HACE1: variants seen among roughly 807,000 people sequenced by gnomAD.
HACE1 encodes E3 ubiquitin-protein ligase HACE1.
HACE1 carries 73 observed loss-of-function variants against 118.4 expected under a neutral mutation model. The ratio of observed to expected loss-of-function variants is 0.62; its 90% CI spans 0.51 to 0.75. The LOEUF (loss-of-function observed/expected upper bound fraction) is 0.75. Among genes scored for constraint, HACE1 ranks in the 30% least tolerant of loss-of-function variants. The pLI, the probability that HACE1 is intolerant of heterozygous loss-of-function variation, is 0.00. For missense variants in HACE1, 749 were observed against 1,102.2 expected, an observed-to-expected ratio of 0.68 and a Z score of 4.54; for synonymous variants, 368 against 374.8, an observed-to-expected ratio of 0.98 and a Z score of 0.21.
intron 7 of HACE1, among the ~76,000 whole-genome samples, chr6:104,797,744 C>T (rs899910162): frequency 2.6e-5 from 4 of 151,898 alleles, no homozygotes; most frequent in African/African-American, 7.3e-5. Context: ...ACTATCACTC[C>T]AGGGAAATTA....
At chr6:104,787,118 A>G (rs1323887403) in intron 11 of HACE1, 1 of 152,268 alleles carries the variant, frequency 6.6e-6, no homozygotes, top group Non-Finnish European at 1.5e-5. Flanking sequence ...ACGTTCAACC[A>G]AAAAGCAGAA....
At position 104,827,935 on chromosome 6, in the gene HACE1, T is replaced by A. The variant is rs571135608; in HGVS notation, c.534+5107A>T. Among the ~76,000 whole-genome samples the A allele has an allele frequency of 2.0e-5, 3 of 152,244 alleles. No individual in the cohort carries two copies. In the East Asian group the frequency reaches 5.8e-4, roughly 29 times the overall value. ...TACATAAACTTAATAAGGTTTATTC[T>A]GATAAAAGTGAAATTTATTTTTAAA... On this transcript the variant is annotated intron_variant, in intron 6 of 23. Transcript: ENST00000262903.
chr6:104,767,366 A>C (rs1780125514), intron 19 of HACE1, among the ~76,000 whole-genome samples: 2 of 152,108 alleles, frequency 1.3e-5, no homozygotes, highest in African/African-American at 4.8e-5. Flanking sequence ...AAAGCTTAAA[A>C]GCTATTCCAT....
chr6:104,800,658 G>A (rs1488198481), intron 7 of HACE1, among the ~76,000 whole-genome samples: 2 of 152,122 alleles, frequency 1.3e-5, no homozygotes, highest in Non-Finnish European at 2.9e-5. Context: ...ACTAAGAAAG[G>A]AGTAGCATCA....
intron 7 of HACE1, among the ~76,000 whole-genome samples, chr6:104,809,385 T>G (rs1242531207): frequency 6.6e-6 from 1 of 152,104 alleles, no homozygotes; most frequent in Non-Finnish European, 1.5e-5. Flanking sequence ...AATTAAGCAG[T>G]AACATGAATA....
rs545050675 is a variant in HACE1 at position 104,806,418 on chromosome 6, C to T, written c.617+4893G>A. 4.6e-3 allele frequency among the ~76,000 whole-genome samples: 693 copies of T among 152,164 alleles called. 4 individuals are homozygous for T. Among genetic ancestry groups the T allele is most frequent in the Non-Finnish European group, 7.4e-3 (500 of 68,008 alleles). ...TGGAGGTTGCAGTGAGTTATGATCACGCCACTGCACTCCAGCCTGGGTGGC... is the reference window on the plus strand; with the variant it reads ...TGGAGGTTGCAGTGAGTTATGATCATGCCACTGCACTCCAGCCTGGGTGGC... On this transcript the variant is annotated intron_variant, in intron 7 of 23. Coordinates refer to ENST00000262903, the MANE Select transcript of HACE1 (RefSeq NM_020771.4).
At chr6:104,802,805 T>C (rs890416368) in intron 7 of HACE1, among the ~76,000 whole-genome samples, 3 of 152,014 alleles carry the variant, frequency 2.0e-5, no homozygotes, top group African/African-American at 7.3e-5. Context: ...TTAAAAGAAC[T>C]AGAGAAGCAA....
intron 22 of HACE1, among the ~76,000 whole-genome samples, chr6:104,740,252 A>G (rs1428667046): frequency 6.8e-6 from 1 of 147,374 alleles, no homozygotes; most frequent in East Asian, 2.0e-4. Flanking sequence ...ATCACAATTA[A>G]AAGAACTAGA....
At chr6:104,809,079 T>C (rs1323870663) in intron 7 of HACE1, among the ~76,000 whole-genome samples, 1 of 152,222 alleles carries the variant, frequency 6.6e-6, no homozygotes, top group African/African-American at 2.4e-5. Flanking sequence ...TTAACTATTA[T>C]AAATGGCATT....
intron 19 of HACE1, among the ~76,000 whole-genome samples, chr6:104,762,171 C>G (rs946361554): frequency 5.3e-5 from 8 of 152,108 alleles, no homozygotes; most frequent in Non-Finnish European, 1.0e-4. Context: ...ACTAGAAATA[C>G]CATTTGACCC....
rs372441551 is a variant in HACE1, at chr6:104,796,699, T to G, written c.772A>C (p.Thr258Pro). Residue 258 changes from threonine to proline, a missense_variant, in exon 9 of 24, where the codon ACT becomes CCT. Transcript: ENST00000262903. Reference sequence around the variant, plus strand: ...TCATTCTGTGTCATTTGAATAATAGTCTGAAAAAGCCTCGGGTGATATTGA... The same window carrying G: ...TCATTCTGTGTCATTTGAATAATAGGCTGAAAAAGCCTCGGGTGATATTGA... ...LIQYHPRLFQ[T>P]IIQMTQNEDL... is the part of the protein sequence containing the mutation. 3 of 1,591,794 alleles carry G rather than the reference T, an allele frequency of 1.9e-6. No individual in the cohort carries two copies. Among genetic ancestry groups the G allele is most frequent in the Non-Finnish European group, 2.6e-6 (3 of 1,160,470 alleles).
chr6:104,732,478 C>T (rs992784845), intron 22 of HACE1: 8 of 151,938 alleles, frequency 5.3e-5, no homozygotes, highest in Non-Finnish European at 1.0e-4. Flanking sequence ...TCCATGTATA[C>T]GAAGTTCTTA....
rs561776664 is a variant in HACE1, at chr6:104,852,424, G to C, written c.77-53C>G. 7.1e-5 allele frequency: 74 copies of C among 1,037,778 alleles called. 1 individual carries two copies. The Admixed American group carries it at 1.3e-3, about 19-fold the overall frequency. The allele number at this position is 1,037,778 out of a possible 1,614,324, so 64.3% of individuals were successfully genotyped here. ...TTATCCCCTACTTTGTGCAAGGGGTGATACTTAAGATTAGTTTAGAATTTT... is the reference window on the plus strand; with the variant it reads ...TTATCCCCTACTTTGTGCAAGGGGTCATACTTAAGATTAGTTTAGAATTTT... On this transcript the variant is annotated intron_variant, in intron 1 of 23. Transcript: ENST00000262903.
chr6:104,766,110 A>G (rs1334579298), intron 19 of HACE1, among the ~76,000 whole-genome samples: 1 of 152,216 alleles, frequency 6.6e-6, no homozygotes, highest in East Asian at 1.9e-4. Context: ...AGAAAAGAAA[A>G]GACATGAGTA....
rs866942970 is a variant in HACE1, at chr6:104,852,226, T to C, written c.131+91A>G. 2.8e-4 allele frequency: 198 copies of C among 716,866 alleles called. 1 individual carries two copies. The African/African-American group carries it at 2.9e-3, about 10-fold the overall frequency. The allele number at this position is 716,866 out of a possible 1,614,324, so 44.4% of individuals were successfully genotyped here. A position where few individuals can be genotyped will look rare whatever the true frequency, so the allele number is the denominator to read the frequency against. On this transcript the variant is annotated intron_variant, in intron 2 of 23. Transcript: ENST00000262903. ...GTGTGTGTGTGTGTGTGTGTGTGTG[T>C]GTGCGCGCGTGCGCGTGCACGGGCA...
At chr6:104,821,545 A>C (rs1439906281) in intron 6 of HACE1, among the ~76,000 whole-genome samples, 1 of 152,168 alleles carries the variant, frequency 6.6e-6, no homozygotes, top group Non-Finnish European at 1.5e-5. Flanking sequence ...AAATAACACT[A>C]ATATGTACCC....
At chr6:104,857,133 T>G (rs1055231293) in intron 1 of HACE1, among the ~76,000 whole-genome samples, 2 of 149,638 alleles carry the variant, frequency 1.3e-5, no homozygotes, top group Non-Finnish European at 3.0e-5. Flanking sequence ...TGGATTTGTA[T>G]CAGTAGGAAT....
chr6:104,737,667 C>A (rs558645838), intron 22 of HACE1, among the ~76,000 whole-genome samples: 1 of 152,176 alleles, frequency 6.6e-6, no homozygotes, highest in Non-Finnish European at 1.5e-5. Flanking sequence ...GCACCTGGCT[C>A]GGAGGGTCCT....
chr6:104,811,190 G>A, intron 7 of HACE1, 121 bp downstream of exon 7: 1 of 208,170 alleles, frequency 4.8e-6, no homozygotes, highest in Non-Finnish European at 9.1e-6. Context: ...AGAAACGTGT[G>A]TGTCTAGAAA....
Sources: gnomAD v4.1 joint callset for allele counts (sites outside exome capture counted in the v4.1 genomes callset) on GRCh38, gnomAD v4.1.1 for gene constraint, MANE v1.5 for transcripts, NCBI Gene and HGNC (gene_info 2026-07-23, HGNC 2026-07-21) for gene names.